The following SMOC1 variants were observed in gnomAD, a reference collection of about 807,000 sequenced individuals.
The protein encoded by SMOC1 is SPARC related modular calcium binding 1, also known as SPARC-related modular calcium-binding protein 1.
A neutral mutation model predicts 56.3 loss-of-function variants in SMOC1; 22 were observed. That is an observed-to-expected ratio of 0.39 (90% confidence interval 0.28 to 0.56). The LOEUF is 0.56. SMOC1 is among the 20% of genes least tolerant of loss of function. SMOC1 has a pLI of 0.61. For synonymous variants in SMOC1, 193 were observed against 215.0 expected (o/e 0.90, Z 0.89); for missense variants, 509 against 565.4 (o/e 0.90, Z 1.01).
At chr14:70,015,544 C>T (rs139801159) in intron 10 of SMOC1, among the ~76,000 whole-genome samples, 362 of 152,156 alleles carry the variant, frequency 2.4e-3, no homozygotes, top group African/African-American at 7.9e-3. Flanking sequence ...GGTGCTTGCC[C>T]GGAGCCCCCC....
Position 70,030,301 on chromosome 14 carries a change from G to GGAT in SMOC1, c.*45_*47dup. On this transcript the variant is annotated 3_prime_UTR_variant, in exon 12 of 12. Coordinates refer to ENST00000361956, the MANE Select transcript of SMOC1 (RefSeq NM_001034852.3). ...GGCAGGTGGAGAGTCCAGGGAGGCA[G>GGAT]GATGGATCACCAGACACCTAACCTT... The GGAT allele has an allele frequency of 6.2e-7, 1 of 1,612,776 alleles. No individual in the cohort carries two copies. Among genetic ancestry groups the GGAT allele is most frequent in the Non-Finnish European group, 8.5e-7 (1 of 1,179,544 alleles).
chr14:69,942,912 A>G lies in SMOC1; in HGVS notation c.100-9226A>G, dbSNP rs559587141. ...GGGTCTCAGCTGCTTTGTCAAACCC[A>G]TGGGTTCTCCTCTCTCCTGCCTTCC... On this transcript the variant is annotated intron_variant, in intron 1 of 11. Coordinates refer to ENST00000361956, the MANE Select transcript of SMOC1 (RefSeq NM_001034852.3). 3.6e-3 allele frequency among the ~76,000 whole-genome samples: 554 copies of G among 152,214 alleles called. 2 individuals carry two copies. The highest frequency in any genetic ancestry group is 4.6e-3 in the Non-Finnish European group (313 of 68,022).
chr14:69,881,283 C>A (rs956415016), intron 1 of SMOC1, among the ~76,000 whole-genome samples: 5 of 152,124 alleles, frequency 3.3e-5, no homozygotes, highest in Admixed American at 2.6e-4. Flanking sequence ...TAATTAGGAA[C>A]AGTCAAGACA....
intron 1 of SMOC1, among the ~76,000 whole-genome samples, chr14:69,938,398 T>A (rs1372095275): frequency 6.6e-6 from 1 of 152,132 alleles, no homozygotes; most frequent in East Asian, 1.9e-4. Context: ...GGATAAATAT[T>A]TTCTAAGGTT....
At chr14:69,945,014 T>C (rs1882728870) in intron 1 of SMOC1, among the ~76,000 whole-genome samples, 1 of 152,186 alleles carries the variant, frequency 6.6e-6, no homozygotes, top group African/African-American at 2.4e-5. Flanking sequence ...TTTGAGAGCT[T>C]TAAGGTATTG....
chr14:70,012,442 GC>G (rs2139590925), intron 9 of SMOC1, among the ~76,000 whole-genome samples: 1 of 152,352 alleles, frequency 6.6e-6, no homozygotes, highest in African/African-American at 2.4e-5. Flanking sequence ...ATGAATACAG[GC>G]ATTTATAGAT....
rs1885228377 is a variant in SMOC1 at position 69,933,773 on chromosome 14, C to T, written c.100-18365C>T. 2.0e-5 allele frequency among the ~76,000 whole-genome samples: 3 copies of T among 152,304 alleles called. No individual in the cohort carries two copies. The South Asian group carries it at 6.2e-4, about 32-fold the overall frequency. ...CCTCAAGTGATCTGCCTGTCTCAGCCTCCCATAGTGCTGGAATTACAGGCA... is the reference window on the plus strand; with the variant it reads ...CCTCAAGTGATCTGCCTGTCTCAGCTTCCCATAGTGCTGGAATTACAGGCA... On this transcript the variant is annotated intron_variant, in intron 1 of 11. Transcript: ENST00000361956.
At chr14:69,924,462 A>T (rs1884935732) in intron 1 of SMOC1, among the ~76,000 whole-genome samples, 1 of 152,078 alleles carries the variant, frequency 6.6e-6, no homozygotes, top group Non-Finnish European at 1.5e-5. Context: ...ACCTCTTTAG[A>T]AGTGGATATC....
intron 1 of SMOC1, among the ~76,000 whole-genome samples, chr14:69,935,685 G>T (rs1488822817): frequency 6.6e-6 from 1 of 152,224 alleles, no homozygotes; most frequent in Non-Finnish European, 1.5e-5. Flanking sequence ...CAGCACGGGG[G>T]TGGTTGTGCT....
intron 5 of SMOC1, among the ~76,000 whole-genome samples, chr14:69,986,664 GCC>G (rs1884376187): frequency 6.6e-6 from 1 of 152,106 alleles, no homozygotes; most frequent in Non-Finnish European, 1.5e-5. Context: ...TGTGAACCCA[GCC>G]CTGACCAGGC....
chr14:69,964,460 C>T (rs912942737), intron 3 of SMOC1, among the ~76,000 whole-genome samples: 2 of 151,440 alleles, frequency 1.3e-5, no homozygotes, highest in African/African-American at 4.9e-5. Context: ...TCACTGCAAG[C>T]TCCACCTCCT....
intron 6 of SMOC1, among the ~76,000 whole-genome samples, chr14:69,994,080 G>A (rs1884674690): frequency 6.6e-6 from 1 of 152,232 alleles, no homozygotes; most frequent in Non-Finnish European, 1.5e-5. Flanking sequence ...CAGGGAAGCA[G>A]CTGAGAGGGA....
chr14:69,922,241 T>A (rs1439523371), intron 1 of SMOC1, among the ~76,000 whole-genome samples: 1 of 152,192 alleles, frequency 6.6e-6, no homozygotes, highest in South Asian at 2.1e-4. Context: ...CACTGAAAAA[T>A]GCACTTAATG....
rs1266188585 is a variant in SMOC1, at chr14:70,030,875, TAA to T, written c.*618_*619del. The T allele has an allele frequency of 3.9e-5, 6 of 152,218 alleles. No individual in the cohort carries two copies. The highest frequency in any genetic ancestry group is 1.4e-4 in the African/African-American group (6 of 41,422). The allele number at this position is 152,218 out of a possible 1,614,324, so 9.4% of individuals were successfully genotyped here. A position where few individuals can be genotyped will look rare whatever the true frequency, so the allele number is the denominator to read the frequency against. ...CCATGCCATTAGTTGTCAAAATTGA[TAA>T]GTCACTTGGCTCTCGGCCTTGTCCA... On this transcript the variant is annotated 3_prime_UTR_variant, in exon 12 of 12. Coordinates refer to ENST00000361956, the MANE Select transcript of SMOC1 (RefSeq NM_001034852.3).
intron 1 of SMOC1, among the ~76,000 whole-genome samples, chr14:69,915,056 T>C (rs530892884): frequency 1.6e-4 from 24 of 152,086 alleles, no homozygotes; most frequent in Admixed American, 1.6e-3. Flanking sequence ...TTAGTAAAGA[T>C]GGGGTTTCAC....
chr14:69,889,633 A>G (rs1047653364), intron 1 of SMOC1, among the ~76,000 whole-genome samples: 3 of 152,190 alleles, frequency 2.0e-5, no homozygotes, highest in Admixed American at 2.0e-4. Flanking sequence ...TTAGCTTTCT[A>G]TTGCTGCCAT....
intron 3 of SMOC1, among the ~76,000 whole-genome samples, chr14:69,963,332 T>C (rs1390903935): frequency 3.9e-5 from 6 of 152,060 alleles, no homozygotes; most frequent in African/African-American, 1.2e-4. Context: ...AAGGGAAAGG[T>C]TGGGAGAGAA....
intron 3 of SMOC1, 92 bp from the exon 4 acceptor site, chr14:69,975,623 C>A: frequency 1.1e-6 from 1 of 933,402 alleles, no homozygotes; most frequent in African/African-American, 1.6e-5. Context: ...GCTCTTTCAC[C>A]GTATGGGTGA....
At chr14:69,888,670 G>T (rs200002817) in intron 1 of SMOC1, among the ~76,000 whole-genome samples, 2 of 108,584 alleles carry the variant, frequency 1.8e-5, no homozygotes, top group African/African-American at 5.1e-5. Flanking sequence ...AGGGCTGAAA[G>T]CCTTTTTTTT....
Sources: allele counts gnomAD v4.1 joint callset (sites outside exome capture counted in the v4.1 genomes callset), GRCh38; gene constraint gnomAD v4.1.1; transcripts MANE v1.5; gene names NCBI Gene and HGNC (gene_info 2026-07-23, HGNC 2026-07-21).